ABCA3: variants seen among roughly 807,000 people sequenced by gnomAD.
ABCA3 encodes the protein ATP binding cassette subfamily A member 3.
A neutral mutation model predicts 172.8 loss-of-function variants in ABCA3; 88 were observed. That is an observed-to-expected ratio of 0.51 (90% CI 0.43 to 0.61). ABCA3 has a LOEUF of 0.61. Among genes scored for constraint, ABCA3 ranks in the 20% least tolerant of loss-of-function variants. ABCA3 has a pLI of 0.00. For synonymous variants in ABCA3, 1,066 were observed against 983.8 expected, an observed-to-expected ratio of 1.08 and a Z score of -1.56; for missense variants, 2,164 against 2,301.0, an observed-to-expected ratio of 0.94 and a Z score of 1.22.
At chr16:2,292,433 T>C (rs977820564) in intron 18 of ABCA3, among the ~76,000 whole-genome samples, 195 bp from the exon 19 acceptor site, 2 of 151,840 alleles carry the variant, frequency 1.3e-5, no homozygotes, top group Admixed American at 1.3e-4. Context: ...AACCTGTCGC[T>C]ATTAAAAACA....
Position 2,284,082 on chromosome 16 carries a change from G to A in ABCA3, c.3862+197C>T, listed in dbSNP as rs1022412754. 4 of 604,364 alleles carry A rather than the reference G, an allele frequency of 6.6e-6. No individual in the cohort carries two copies. In the South Asian group the frequency reaches 8.1e-5, roughly 12 times the overall value. The allele number at this position is 604,364 out of a possible 1,614,324, so 37.4% of individuals were successfully genotyped here. A position where few individuals can be genotyped will look rare whatever the true frequency, so the allele number is the denominator to read the frequency against. Reference sequence around the variant, plus strand: ...CAGACACTGAGGCAGGTGGGAGAGTGGGAGCTCAGGTACAGGGCCTGGGAG... The same window carrying A: ...CAGACACTGAGGCAGGTGGGAGAGTAGGAGCTCAGGTACAGGGCCTGGGAG... On this transcript the variant is annotated intron_variant, in intron 25 of 32. Transcript: ENST00000301732. The surrounding 1 kb of genome is among the most constrained non-coding windows in gnomAD (Gnocchi z 5.9).
chr16:2,301,009 T>A (rs1431301677), intron 12 of ABCA3, among the ~76,000 whole-genome samples: 8 of 149,650 alleles, frequency 5.3e-5, no homozygotes, highest in Non-Finnish European at 2.9e-5. Context: ...GGCGGGCGGA[T>A]CATGAGGTCA....
Position 2,283,097 on chromosome 16 carries a change from A to G in ABCA3, c.4035+89T>C. On this transcript the variant is annotated intron_variant, in intron 26 of 32. Transcript: ENST00000301732. The surrounding 1 kb of genome is among the most constrained non-coding windows in gnomAD (Gnocchi z 5.4). ...TGGTGCAGGAGCTGCCTGGTGGAGA[A>G]GGAGGTGGAGCTGCCCCAGGTTGTG... is the stretch of plus-strand genomic sequence containing the variant. 2.2e-6 allele frequency: 3 copies of G among 1,389,920 alleles called. No individual in the cohort carries two copies. Among genetic ancestry groups the G allele is most frequent in the Non-Finnish European group, 3.0e-6 (3 of 1,003,578 alleles). 86.1% of individuals were successfully genotyped at this position (1,389,920 alleles called of 1,614,324 possible).
intron 7 of ABCA3, among the ~76,000 whole-genome samples, chr16:2,321,395 A>G (rs967666710): frequency 6.6e-6 from 1 of 152,210 alleles, no homozygotes; most frequent in African/African-American, 2.4e-5. Context: ...GACATCGCTA[A>G]GCGCTGGCTG....
chr16:2,326,173 G>T lies in ABCA3; in HGVS notation c.156C>A (p.Pro52=). Residue 52 remains proline (P), a synonymous_variant, in exon 5 of 33, where the codon CCC becomes CCA. Transcript: ENST00000301732. ...LRLKIQSENV[P]NATIYPGQSI... Reference sequence around the variant, plus strand: ...ACTGGCCCGGGTAGATGGTGGCGTTGGGCACATTTTCCGACTGAATCTTCA... The same window carrying T: ...ACTGGCCCGGGTAGATGGTGGCGTTTGGCACATTTTCCGACTGAATCTTCA... 1 of 1,614,174 alleles carries T rather than the reference G, an allele frequency of 6.2e-7. No homozygotes were observed. Among genetic ancestry groups the T allele is most frequent in the Non-Finnish European group, 8.5e-7 (1 of 1,180,050 alleles).
Position 2,324,519 on chromosome 16 carries a change from G to A in ABCA3, c.332C>T (p.Pro111Leu). 1.2e-6 allele frequency: 2 copies of A among 1,610,020 alleles called. No individual in the cohort carries two copies. The highest frequency in any genetic ancestry group is 1.1e-5 in the South Asian group (1 of 91,062). ...LVINMRVRGF[P>L]SEKDFEDYIR... ...GTAGTCCTCAAAGTCCTTCTCGGAGGGAAAGCCGCGCACTGCAAAGAGAGA... is the reference window on the plus strand; with the variant it reads ...GTAGTCCTCAAAGTCCTTCTCGGAGAGAAAGCCGCGCACTGCAAAGAGAGA... The change falls in exon 6 of 33, where the codon CCC becomes CTC. Residue 111 changes from proline to leucine, a missense_variant. By Grantham distance (98) the Pro-to-Leu change is moderately conservative (BLOSUM62 -3). Coordinates refer to ENST00000301732, the MANE Select transcript of ABCA3 (RefSeq NM_001089.3).
intron 18 of ABCA3, among the ~76,000 whole-genome samples, chr16:2,292,676 T>C (rs2093673887): frequency 6.6e-6 from 1 of 151,962 alleles, no homozygotes; most frequent in South Asian, 2.1e-4. Context: ...TCCTAGCACT[T>C]TGGGAGGCCG....
chr16:2,333,093 A>G (rs1390833124), intron 1 of ABCA3, among the ~76,000 whole-genome samples: 2 of 152,180 alleles, frequency 1.3e-5, no homozygotes, highest in Admixed American at 1.3e-4. Flanking sequence ...TATAGGTATG[A>G]GCCATGCTGC....
chr16:2,285,046 G>A lies in ABCA3; in HGVS notation c.3484-48C>T. On this transcript the variant is annotated intron_variant, in intron 23 of 32. Coordinates refer to ENST00000301732, the MANE Select transcript of ABCA3 (RefSeq NM_001089.3). The surrounding 1 kb of genome is among the most constrained non-coding windows in gnomAD (Gnocchi z 4.7). The stretch of plus-strand genomic sequence containing the variant: ...TGCTGTGCATGCCAAGCTGAGAGGA[G>A]CTCACGGGTAGGGAAGGGGTGAGAG... The A allele has an allele frequency of 6.3e-7, 1 of 1,587,376 alleles. No individual in the cohort carries two copies. The highest frequency in any genetic ancestry group is 1.3e-5 in the African/African-American group (1 of 74,466).
Position 2,297,624 on chromosome 16 carries a change from T to G in ABCA3, c.2053-85A>C. On this transcript the variant is annotated intron_variant, in intron 16 of 32. Transcript: ENST00000301732. This position sits in a 1 kb window ranked among gnomAD's most constrained non-coding sequence, Gnocchi z 5.6. ...CCTTGCGGTAGGCCCCATCGAGGGG[T>G]TCGCGGAGCCGGCTTGAGTCCTCCA... 1 of 1,593,272 alleles carries G rather than the reference T, an allele frequency of 6.3e-7. No homozygotes were observed. Among genetic ancestry groups the G allele is most frequent in the Non-Finnish European group, 8.5e-7 (1 of 1,171,804 alleles).
At position 2,297,910 on chromosome 16, in the gene ABCA3, C is replaced by G; in HGVS notation, c.1908G>C (p.Leu636=). The change falls in exon 16 of 33, where the codon CTG becomes CTC. Residue 636 remains leucine, a synonymous_variant. Transcript: ENST00000301732. This position sits in a 1 kb window ranked among gnomAD's most constrained non-coding sequence, Gnocchi z 5.6. Reference sequence around the variant, plus strand: ...CTTCTTCAGGGCACTTCTGACGTGACAGGCCCTTCAGCTGCAACGACAGGG... The same window carrying G: ...CTTCTTCAGGGCACTTCTGACGTGAGAGGCCCTTCAGCTGCAACGACAGGG... ...HLYFYAQLKG[L]SRQKCPEEVK... 1 of 1,613,722 alleles carries G rather than the reference C, an allele frequency of 6.2e-7. No homozygotes were observed. The highest frequency in any genetic ancestry group is 8.5e-7 in the Non-Finnish European group (1 of 1,180,038).
chr16:2,318,495 C>T (rs1353546731), intron 8 of ABCA3, among the ~76,000 whole-genome samples: 1 of 151,806 alleles, frequency 6.6e-6, no homozygotes, highest in Non-Finnish European at 1.5e-5. Context: ...CTCCTCATTT[C>T]TTTTTCTTTC....
chr16:2,288,360 C>T (rs1305063146), intron 20 of ABCA3, 31 bp from the exon 21 acceptor site: 8 of 1,535,956 alleles, frequency 5.2e-6, no homozygotes, highest in Non-Finnish European at 6.1e-6. Flanking sequence ...GTGACACCGG[C>T]ACCGCTTGGG....
intron 11 of ABCA3, 22 bp from the exon 12 acceptor site, chr16:2,304,172 T>C: frequency 6.2e-7 from 1 of 1,613,982 alleles, no homozygotes. Context: ...ATCAGGAAAG[T>C]GGCCCGAAAG....
intron 26 of ABCA3, among the ~76,000 whole-genome samples, chr16:2,282,954 C>T (rs890729913): frequency 2.6e-5 from 4 of 152,238 alleles, no homozygotes; most frequent in Non-Finnish European, 5.9e-5. Flanking sequence ...CCCTGGGCCC[C>T]CAGGCTGACT....
chr16:2,317,710 G>A lies in ABCA3; in HGVS notation c.928C>T (p.Leu310Phe). 3 of 1,614,262 alleles carry A rather than the reference G, an allele frequency of 1.9e-6. 1 individual carries two copies. The South Asian group carries it at 3.3e-5, about 18-fold the overall frequency. ...ATGAGGAGGAAGAGGAAGAACAAGAGGAACCAGGCACTCCAGTGCAGCCAG... is the reference window on the plus strand; with the variant it reads ...ATGAGGAGGAAGAGGAAGAACAAGAAGAACCAGGCACTCCAGTGCAGCCAG... ...SSWLHWSAWF[L>F]LFFLFLLIAA... The change falls in exon 9 of 33, where the codon CTC (leucine) becomes TTC (phenylalanine). Residue 310 changes from leucine (L) to phenylalanine (F), a missense_variant. Leu to Phe is a conservative substitution (Grantham distance 22, BLOSUM62 0). Transcript: ENST00000301732.
At position 2,286,752 on chromosome 16, in the gene ABCA3, C is replaced by T. The variant is rs199509814; in HGVS notation, c.3220G>A (p.Val1074Ile). The part of the protein sequence containing the change: ...LLCGPHASIV[V>I]SNFPQPRSAL... ...CTCCGGGGCTGGGGGAAGTTGGAGA[C>T]CACAATGGAGGCGTGAGGCCCGCAC... The change falls in exon 22 of 33, where the codon GTC (valine) becomes ATC (isoleucine). Residue 1074 changes from valine to isoleucine, a missense_variant. Around this residue, in one of 3 missense-constraint regions of ABCA3, gnomAD observed 795 missense variants for 881.9 expected, o/e 0.90. Transcript: ENST00000301732. This position sits in a 1 kb window ranked among gnomAD's most constrained non-coding sequence, Gnocchi z 5.2. 2 of 1,613,934 alleles carry T rather than the reference C, an allele frequency of 1.2e-6. No homozygotes were observed. The highest frequency in any genetic ancestry group is 1.7e-6 in the Non-Finnish European group (2 of 1,179,964).
intron 11 of ABCA3, among the ~76,000 whole-genome samples, chr16:2,304,501 T>G (rs1407195517): frequency 3.2e-5 from 2 of 61,866 alleles, no homozygotes; most frequent in African/African-American, 1.3e-4. Flanking sequence ...AGCATAAGTC[T>G]TTTTTTTTTT....
At chr16:2,335,535 G>A (rs1027676926) in intron 1 of ABCA3, among the ~76,000 whole-genome samples, 8 of 152,104 alleles carry the variant, frequency 5.3e-5, no homozygotes, top group Non-Finnish European at 1.2e-4. Context: ...CTCCCAAAGT[G>A]CTGGGACCAC....
Sources: allele counts gnomAD v4.1 joint callset (sites outside exome capture counted in the v4.1 genomes callset), GRCh38; gene constraint gnomAD v4.1.1; regional missense constraint gnomAD v4.1.1; non-coding constraint Gnocchi (gnomAD v3.1); transcripts MANE v1.5; gene names NCBI Gene and HGNC (gene_info 2026-07-23, HGNC 2026-07-21).